Variants in CDKAL1 observed in about 807,000 individuals in gnomAD.
The protein encoded by CDKAL1 is CDKAL1 threonylcarbamoyladenosine tRNA methylthiotransferase.
In CDKAL1, 32 loss-of-function variants were observed where a neutral mutation model predicts 68.2. The ratio of observed to expected loss-of-function variants is 0.47; its 90% confidence interval spans 0.35 to 0.63. The LOEUF is 0.63. Ranked by LOEUF, CDKAL1 falls within the 30% of genes least tolerant of loss-of-function variation. CDKAL1 has a pLI of 0.00. For synonymous variants in CDKAL1, 234 were observed against 244.3 expected (o/e 0.96, Z 0.39); for missense variants, 606 against 696.7 (o/e 0.87, Z 1.47).
At position 21,215,336 on chromosome 6, in the gene CDKAL1, T is replaced by C. The variant is rs149856419; in HGVS notation, c.1548+14062T>C. ...ATGCATGATGTTTGGTAGCATCCTG[T>C]TGGCCAAGTAAATCACATGGCCAAG... On this transcript the variant is annotated intron_variant, in intron 15 of 15. Transcript: ENST00000274695. 1.9e-3 allele frequency among the ~76,000 whole-genome samples: 282 copies of C among 152,292 alleles called. 3 individuals are homozygous for C. The highest frequency in any genetic ancestry group is 6.3e-3 in the African/African-American group (263 of 41,556).
At chr6:20,861,922 T>C (rs1289316709) in intron 9 of CDKAL1, among the ~76,000 whole-genome samples, 1 of 152,184 alleles carries the variant, frequency 6.6e-6, no homozygotes, top group Non-Finnish European at 1.5e-5. Context: ...AGCCACCACA[T>C]TGATCAAATG....
chr6:20,727,626 A>G (rs1772715635), intron 5 of CDKAL1, among the ~76,000 whole-genome samples: 1 of 152,208 alleles, frequency 6.6e-6, no homozygotes, highest in Admixed American at 6.5e-5. Flanking sequence ...TCTTCCTGAT[A>G]CTGGAGAGGG....
intron 15 of CDKAL1, among the ~76,000 whole-genome samples, chr6:21,225,208 A>G (rs751871520): frequency 6.6e-6 from 1 of 152,124 alleles, no homozygotes; most frequent in Non-Finnish European, 1.5e-5. Flanking sequence ...GCAGTGGTTG[A>G]GAGAGGTTTT....
rs187773432 is a variant in CDKAL1, at chr6:21,197,134, G to A, written c.1300-887G>A. Among the ~76,000 whole-genome samples the A allele has an allele frequency of 3.0e-3, 458 of 151,754 alleles. 11 individuals carry two copies. The highest frequency in any genetic ancestry group is 0.027 in the Admixed American group (414 of 15,240). On this transcript the variant is annotated intron_variant, in intron 13 of 15. Transcript: ENST00000274695. Reference sequence around the variant, plus strand: ...GATCATGCCACTGAACTCTAGCCTGGGTGACAGAGTGAGACTCTGTCTCAA... The same window carrying A: ...GATCATGCCACTGAACTCTAGCCTGAGTGACAGAGTGAGACTCTGTCTCAA...
chr6:21,169,805 G>A (rs893115526), intron 13 of CDKAL1, among the ~76,000 whole-genome samples: 2 of 152,164 alleles, frequency 1.3e-5, no homozygotes, highest in African/African-American at 2.4e-5. Flanking sequence ...GCAAGAAGGA[G>A]CAAAGTCACA....
intron 5 of CDKAL1, among the ~76,000 whole-genome samples, chr6:20,653,935 T>C (rs1318627658): frequency 6.6e-6 from 1 of 151,714 alleles, no homozygotes; most frequent in Non-Finnish European, 1.5e-5. Flanking sequence ...TTAGTAGAGA[T>C]GCGGTTTCAC....
At chr6:20,601,232 G>T (rs1216616057) in intron 4 of CDKAL1, among the ~76,000 whole-genome samples, 1 of 152,006 alleles carries the variant, frequency 6.6e-6, no homozygotes. Flanking sequence ...TGCAAATAGG[G>T]TAACTTATTT....
At chr6:21,067,610 G>T (rs1771529908) in intron 12 of CDKAL1, among the ~76,000 whole-genome samples, 4 of 152,014 alleles carry the variant, frequency 2.6e-5, no homozygotes, top group African/African-American at 9.7e-5. Context: ...GCAAGACTTG[G>T]GTATTTTCAA....
chr6:21,183,079 T>G (rs559778731), intron 13 of CDKAL1, among the ~76,000 whole-genome samples: 1 of 152,144 alleles, frequency 6.6e-6, no homozygotes, highest in South Asian at 2.1e-4. Context: ...TTATACAGCC[T>G]TAACTCTTTC....
chr6:21,148,412 C>T (rs1213159921), intron 13 of CDKAL1, among the ~76,000 whole-genome samples: 3 of 152,136 alleles, frequency 2.0e-5, no homozygotes, highest in African/African-American at 4.8e-5. Flanking sequence ...CTATTAATCA[C>T]CAGCTAGTCA....
intron 8 of CDKAL1, among the ~76,000 whole-genome samples, chr6:20,791,297 T>C (rs1252228058): frequency 6.6e-6 from 1 of 152,224 alleles, no homozygotes; most frequent in East Asian, 1.9e-4. Context: ...CTGTTCAATA[T>C]ATAGTATTAT....
intron 13 of CDKAL1, among the ~76,000 whole-genome samples, chr6:21,196,686 G>A (rs893521465): frequency 1.1e-4 from 17 of 152,116 alleles, no homozygotes; most frequent in African/African-American, 2.9e-4. Context: ...CATGGTAACC[G>A]CCTGAACATG....
intron 9 of CDKAL1, among the ~76,000 whole-genome samples, chr6:20,924,445 T>C (rs1335831207): frequency 6.6e-6 from 1 of 151,886 alleles, no homozygotes. Context: ...CGTTGGGTCA[T>C]GTTGTGAATG....
chr6:21,085,457 C>T (rs935396184), intron 12 of CDKAL1, among the ~76,000 whole-genome samples: 2 of 152,096 alleles, frequency 1.3e-5, no homozygotes, highest in Admixed American at 6.5e-5. Flanking sequence ...ACCACAGGAC[C>T]GTGTGTCTCC....
intron 5 of CDKAL1, among the ~76,000 whole-genome samples, chr6:20,716,812 T>G (rs987784061): frequency 4.0e-5 from 5 of 124,930 alleles, no homozygotes; most frequent in African/African-American, 2.1e-4. Flanking sequence ...AATTTGGGAA[T>G]CATGTGCTGT....
At chr6:21,002,054 T>C (rs1767451818) in intron 11 of CDKAL1, among the ~76,000 whole-genome samples, 1 of 152,236 alleles carries the variant, frequency 6.6e-6, no homozygotes, top group African/African-American at 2.4e-5. Context: ...TTACTGTGGC[T>C]ACTTAAATGG....
chr6:21,001,823 T>G (rs560120981), intron 11 of CDKAL1, among the ~76,000 whole-genome samples: 28 of 152,354 alleles, frequency 1.8e-4, no homozygotes, highest in African/African-American at 6.0e-4. Flanking sequence ...CAGTTGCACT[T>G]GTGAAATTTC....
intron 9 of CDKAL1, among the ~76,000 whole-genome samples, chr6:20,881,858 G>T (rs916463267): frequency 3.9e-5 from 6 of 151,958 alleles, no homozygotes; most frequent in African/African-American, 1.5e-4. Context: ...TTTGGAAATT[G>T]TAACCACTGC....
intron 5 of CDKAL1, among the ~76,000 whole-genome samples, chr6:20,705,390 A>G (rs1403110634): frequency 1.3e-5 from 2 of 152,238 alleles, no homozygotes; most frequent in Non-Finnish European, 2.9e-5. Context: ...CTGGCATAAT[A>G]AGATTATTAC....
Sources: allele counts gnomAD v4.1 joint callset (sites outside exome capture counted in the v4.1 genomes callset), GRCh38; gene constraint gnomAD v4.1.1; transcripts MANE v1.5; gene names NCBI Gene and HGNC (gene_info 2026-07-23, HGNC 2026-07-21).